CDH12: variants seen among roughly 807,000 people sequenced by gnomAD.
The protein encoded by CDH12 is cadherin 12, also known as cadherin-12.
CDH12 carries 41 observed loss-of-function variants against 74.1 expected under a neutral mutation model. That is an observed-to-expected ratio of 0.55 (90% confidence interval 0.43 to 0.72). The LOEUF (loss-of-function observed/expected upper bound fraction) is 0.72, where lower values mean the gene tolerates loss of function less well. Among genes scored for constraint, CDH12 ranks in the 30% least tolerant of loss-of-function variants. CDH12 has a pLI of 0.00. For missense variants in CDH12, 945 were observed against 977.2 expected (o/e 0.97, Z 0.44); for synonymous variants, 399 against 355.0 (o/e 1.12, Z -1.39).
At chr5:22,452,515 C>A (rs1745083508) in intron 2 of CDH12, among the ~76,000 whole-genome samples, 1 of 151,820 alleles carries the variant, frequency 6.6e-6, no homozygotes, top group Non-Finnish European at 1.5e-5. Context: ...ATTTTTTATC[C>A]ACATGCGGAA....
At chr5:22,611,730 GCTC>G (rs1378376600) in intron 1 of CDH12, among the ~76,000 whole-genome samples, 1 of 152,134 alleles carries the variant, frequency 6.6e-6, no homozygotes, top group East Asian at 1.9e-4. Flanking sequence ...CCAGTCTCCT[GCTC>G]CTATGTCCTG....
At chr5:22,349,623 C>G (rs1192807749) in intron 3 of CDH12, among the ~76,000 whole-genome samples, 1 of 152,208 alleles carries the variant, frequency 6.6e-6, no homozygotes, top group Non-Finnish European at 1.5e-5. Context: ...ACACTTCCAA[C>G]CAATCAATCA....
At chr5:22,348,437 T>C (rs1167410110) in intron 3 of CDH12, among the ~76,000 whole-genome samples, 1 of 152,216 alleles carries the variant, frequency 6.6e-6, no homozygotes, top group Non-Finnish European at 1.5e-5. Context: ...TAAAGAGCTT[T>C]ATTTTTATTT....
chr5:21,822,654 T>G (rs1748437081), intron 8 of CDH12, among the ~76,000 whole-genome samples: 1 of 152,072 alleles, frequency 6.6e-6, no homozygotes, highest in Admixed American at 6.6e-5. Flanking sequence ...CTGCTGCTCA[T>G]TCCCAGGATG....
chr5:22,250,672 C>A (rs906183667), intron 3 of CDH12, among the ~76,000 whole-genome samples: 4 of 152,148 alleles, frequency 2.6e-5, no homozygotes, highest in African/African-American at 9.7e-5. Flanking sequence ...AATAAAATTT[C>A]ATACAATTGC....
At chr5:22,116,870 T>C (rs1410378963) in intron 4 of CDH12, among the ~76,000 whole-genome samples, 5 of 148,594 alleles carry the variant, frequency 3.4e-5, no homozygotes, top group African/African-American at 9.9e-5. Context: ...GTCTCTTTTT[T>C]TTTTTTTTTT....
intron 3 of CDH12, among the ~76,000 whole-genome samples, chr5:22,396,020 A>G (rs73058170): frequency 0.011 from 1,646 of 151,932 alleles, 22 homozygotes; most frequent in African/African-American, 0.038. Flanking sequence ...CTTGGACTCA[A>G]TATTACAGAA....
chr5:21,978,435 G>A (rs1038630041), intron 5 of CDH12, among the ~76,000 whole-genome samples: 1 of 152,108 alleles, frequency 6.6e-6, no homozygotes, highest in African/African-American at 2.4e-5. Context: ...GAGCCACTGC[G>A]CCCTGCCCTT....
chr5:22,746,116 T>G (rs2127026246), intron 1 of CDH12, among the ~76,000 whole-genome samples: 1 of 152,294 alleles, frequency 6.6e-6, no homozygotes, highest in African/African-American at 2.4e-5. Flanking sequence ...GGTAATTAAT[T>G]TCTCCAAAGT....
chr5:22,348,693 A>G (rs979307587), intron 3 of CDH12, among the ~76,000 whole-genome samples: 1 of 152,168 alleles, frequency 6.6e-6, no homozygotes, highest in Non-Finnish European at 1.5e-5. Context: ...TCATCTGTAA[A>G]CTGGTACTAA....
At chr5:22,175,920 A>G (rs1749308216) in intron 4 of CDH12, among the ~76,000 whole-genome samples, 1 of 152,134 alleles carries the variant, frequency 6.6e-6, no homozygotes, top group South Asian at 2.1e-4. Flanking sequence ...ACCAATCATC[A>G]CAGGGTTACT....
intron 6 of CDH12, among the ~76,000 whole-genome samples, chr5:21,885,261 A>G (rs545635156): frequency 3.4e-4 from 52 of 152,308 alleles, no homozygotes; most frequent in Middle Eastern, 3.4e-3. Context: ...AGTAACTGTT[A>G]TCTATATTTT....
intron 3 of CDH12, among the ~76,000 whole-genome samples, chr5:22,314,236 C>T (rs1435159717): frequency 1.3e-5 from 2 of 152,082 alleles, no homozygotes; most frequent in Non-Finnish European, 2.9e-5. Flanking sequence ...TTTTTAAAAA[C>T]CATGATGTTT....
intron 4 of CDH12, among the ~76,000 whole-genome samples, chr5:22,098,750 T>G (rs1033967271): frequency 6.6e-6 from 1 of 152,108 alleles, no homozygotes; most frequent in East Asian, 1.9e-4. Flanking sequence ...ATCCCTCTGA[T>G]CCACCTGACA....
chr5:22,303,455 A>T (rs1007964473), intron 3 of CDH12, among the ~76,000 whole-genome samples: 4 of 152,158 alleles, frequency 2.6e-5, no homozygotes, highest in Admixed American at 1.3e-4. Flanking sequence ...AAATTATAAT[A>T]CACAAGCTGC....
At chr5:22,142,905 T>A (rs986814381) in intron 4 of CDH12, 5 of 238,920 alleles carry the variant, frequency 2.1e-5, no homozygotes, top group African/African-American at 1.2e-4. Context: ...CAAGTCTGAT[T>A]CTTTTTTTGA....
At chr5:21,868,616 G>A (rs1002527121) in intron 6 of CDH12, among the ~76,000 whole-genome samples, 10 of 152,146 alleles carry the variant, frequency 6.6e-5, no homozygotes, top group African/African-American at 2.4e-4. Flanking sequence ...CTTGAGAATA[G>A]TTACCCCTTT....
intron 3 of CDH12, among the ~76,000 whole-genome samples, chr5:22,219,983 CTTTG>C (rs1561232063): frequency 1.3e-5 from 2 of 151,616 alleles, no homozygotes; most frequent in Admixed American, 6.6e-5. Context: ...CCAAATAAAA[CTTTG>C]TTTAAATTGT....
intron 6 of CDH12, among the ~76,000 whole-genome samples, chr5:21,948,033 G>A (rs1015914929): frequency 2.0e-5 from 3 of 152,206 alleles, no homozygotes; most frequent in Non-Finnish European, 2.9e-5. Context: ...ATTCAGGTGT[G>A]GAAACCTCTG....
Sources: gnomAD v4.1 joint callset for allele counts (sites outside exome capture counted in the v4.1 genomes callset) on GRCh38, gnomAD v4.1.1 for gene constraint, MANE v1.5 for transcripts, NCBI Gene and HGNC (gene_info 2026-07-23, HGNC 2026-07-21) for gene names.